The following NIM1K variants were observed in gnomAD, a reference collection of about 807,000 sequenced individuals.
The protein encoded by NIM1K is serine/threonine-protein kinase NIM1.
A neutral mutation model predicts 37.1 loss-of-function variants in NIM1K; 35 were observed. The observed-to-expected ratio is 0.94, with a 90% CI of 0.72 to 1.25. NIM1K has a LOEUF of 1.25. NIM1K is among the 50% of genes most tolerant of loss of function. NIM1K has a pLI of 0.00. For missense variants in NIM1K, 564 were observed against 548.0 expected, an observed-to-expected ratio of 1.03 and a Z score of -0.29; for synonymous variants, 234 against 206.6, an observed-to-expected ratio of 1.13 and a Z score of -1.14.
At chr5:43,275,398 A>G (rs551137572) in intron 2 of NIM1K, among the ~76,000 whole-genome samples, 25 of 152,316 alleles carry the variant, frequency 1.6e-4, no homozygotes, top group African/African-American at 6.0e-4. Context: ...ATCCTTGTAC[A>G]TGCATCAGAT....
chr5:43,205,189 T>C (rs1405263766), intron 1 of NIM1K, among the ~76,000 whole-genome samples: 1 of 152,190 alleles, frequency 6.6e-6, no homozygotes, highest in African/African-American at 2.4e-5. Flanking sequence ...CAAGTGGAAT[T>C]GGGTGAAACT....
chr5:43,192,265 CT>C lies in NIM1K; in HGVS notation c.-840del, dbSNP rs919638537. Reference sequence around the variant, plus strand: ...CCGCTGCCGGTCAGGTCGGCCGCCCCTGACAGCTCCGGGAGCCTCAAGCGCG... The same window carrying C: ...CCGCTGCCGGTCAGGTCGGCCGCCCCGACAGCTCCGGGAGCCTCAAGCGCG... On this transcript the variant is annotated 5_prime_UTR_variant, in exon 1 of 4. Transcript: ENST00000326035. The C allele has an allele frequency of 2.6e-5, 4 of 152,514 alleles. No homozygotes were observed. Among genetic ancestry groups the C allele is most frequent in the African/African-American group, 9.6e-5 (4 of 41,472 alleles). 9.4% of individuals were successfully genotyped at this position (152,514 alleles called of 1,614,324 possible).
chr5:43,209,672 G>A (rs1752176028), intron 1 of NIM1K, among the ~76,000 whole-genome samples: 1 of 151,942 alleles, frequency 6.6e-6, no homozygotes, highest in African/African-American at 2.4e-5. Flanking sequence ...AGGCTGGAGT[G>A]CAGTGGCGTG....
intron 1 of NIM1K, among the ~76,000 whole-genome samples, chr5:43,239,474 A>G (rs1752665570): frequency 6.6e-6 from 1 of 151,690 alleles, no homozygotes; most frequent in Non-Finnish European, 1.5e-5. Context: ...TCCTGACCTC[A>G]TGATCCGCCT....
chr5:43,198,136 T>C (rs980388917), intron 1 of NIM1K, among the ~76,000 whole-genome samples: 9 of 33,922 alleles, frequency 2.7e-4, no homozygotes, highest in Non-Finnish European at 4.3e-4. Flanking sequence ...ATATGATTTC[T>C]TTCTTTCTTT....
In NIM1K at chr5:43,264,491, C is replaced by T. The variant is rs192718322; in HGVS notation, c.293-12566C>T. On this transcript the variant is annotated intron_variant, in intron 2 of 3. Coordinates refer to ENST00000326035, the MANE Select transcript of NIM1K (RefSeq NM_153361.4). ...TTTGCTTGGTAGATCTTCCTCCATG[C>T]CTTTATTTTGAGCCTATGTGTGTCT... is the stretch of plus-strand genomic sequence containing the variant. Among the ~76,000 whole-genome samples, 495 of 152,242 alleles carry T rather than the reference C, an allele frequency of 3.3e-3. 5 individuals are homozygous for T. The highest frequency in any genetic ancestry group is 0.011 in the African/African-American group (469 of 41,546).
intron 2 of NIM1K, among the ~76,000 whole-genome samples, chr5:43,257,804 G>T (rs562487476): frequency 1.3e-5 from 2 of 148,714 alleles, no homozygotes; most frequent in African/African-American, 5.0e-5. Context: ...CATGCCTATA[G>T]TCCACAGCTA....
At chr5:43,222,482 A>C (rs1389131849) in intron 1 of NIM1K, among the ~76,000 whole-genome samples, 1 of 152,046 alleles carries the variant, frequency 6.6e-6, no homozygotes, top group Non-Finnish European at 1.5e-5. Context: ...TAATCTTAGC[A>C]CTTTGGGAGG....
chr5:43,268,172 G>A (rs1025718670), intron 2 of NIM1K, among the ~76,000 whole-genome samples: 10 of 152,242 alleles, frequency 6.6e-5, no homozygotes, highest in African/African-American at 2.2e-4. Context: ...ATATTCTCTT[G>A]TCAGATTAAT....
At chr5:43,237,898 G>A (rs1385198351) in intron 1 of NIM1K, among the ~76,000 whole-genome samples, 1 of 151,878 alleles carries the variant, frequency 6.6e-6, no homozygotes, top group African/African-American at 2.4e-5. Flanking sequence ...GAAACCATAT[G>A]TTTTACTTTA....
intron 1 of NIM1K, among the ~76,000 whole-genome samples, chr5:43,224,707 T>TTG (rs1402477724): frequency 6.6e-6 from 1 of 151,244 alleles, no homozygotes; most frequent in Non-Finnish European, 1.5e-5. Flanking sequence ...ATTTTTTTTT[T>TTG]TTTTTTTGAG....
chr5:43,210,036 A>G (rs939387223), intron 1 of NIM1K, among the ~76,000 whole-genome samples: 1 of 152,222 alleles, frequency 6.6e-6, no homozygotes, highest in Non-Finnish European at 1.5e-5. Flanking sequence ...AGAAACGCAC[A>G]TTACAGTGGG....
chr5:43,237,141 G>A (rs1752634070), intron 1 of NIM1K, among the ~76,000 whole-genome samples: 1 of 152,184 alleles, frequency 6.6e-6, no homozygotes, highest in African/African-American at 2.4e-5. Flanking sequence ...TTTCTTTTAA[G>A]GAAACCAATG....
intron 1 of NIM1K, among the ~76,000 whole-genome samples, chr5:43,223,378 A>G (rs532722002): frequency 6.6e-6 from 1 of 152,332 alleles, no homozygotes; most frequent in East Asian, 1.9e-4. Context: ...GTTAATACAC[A>G]TACAGTATCT....
At chr5:43,217,486 G>A (rs1441983542) in intron 1 of NIM1K, among the ~76,000 whole-genome samples, 1 of 143,274 alleles carries the variant, frequency 7.0e-6, no homozygotes, top group Admixed American at 7.1e-5. Flanking sequence ...AAAAAGTCCT[G>A]CACCATATTA....
intron 2 of NIM1K, among the ~76,000 whole-genome samples, chr5:43,268,957 G>T (rs888617336): frequency 4.6e-5 from 7 of 151,610 alleles, no homozygotes; most frequent in African/African-American, 1.7e-4. Context: ...GACCTTCTTT[G>T]TCTTTTTCTT....
intron 1 of NIM1K, among the ~76,000 whole-genome samples, chr5:43,214,194 A>G (rs998288630): frequency 6.6e-6 from 1 of 151,996 alleles, no homozygotes; most frequent in Non-Finnish European, 1.5e-5. Flanking sequence ...TCACTTTTAC[A>G]CACATGGTTA....
At chr5:43,274,066 A>G (rs10060213) in intron 2 of NIM1K, among the ~76,000 whole-genome samples, 12,257 of 152,198 alleles carry the variant, frequency 0.081, 1,138 homozygotes, top group African/African-American at 0.23. Context: ...GTATGATCAT[A>G]CATTTATATT....
At chr5:43,256,603 A>G (rs1752950916) in intron 2 of NIM1K, among the ~76,000 whole-genome samples, 1 of 152,176 alleles carries the variant, frequency 6.6e-6, no homozygotes, top group African/African-American at 2.4e-5. Context: ...TTACCATTTC[A>G]GTGCTTGCAG....
Sources: gnomAD v4.1 joint callset for allele counts (sites outside exome capture counted in the v4.1 genomes callset) on GRCh38, gnomAD v4.1.1 for gene constraint, MANE v1.5 for transcripts, NCBI Gene and HGNC (gene_info 2026-07-23, HGNC 2026-07-21) for gene names.